AUTS2: variants seen among roughly 807,000 people sequenced by gnomAD.
AUTS2 encodes autism susceptibility gene 2 protein.
AUTS2 carries 17 observed loss-of-function variants against 112.4 expected under a neutral mutation model. The ratio of observed to expected loss-of-function variants is 0.15; its 90% CI spans 0.10 to 0.23. The LOEUF (loss-of-function observed/expected upper bound fraction) is 0.23. AUTS2 is among the 10% of genes least tolerant of loss of function. The probability of loss-of-function intolerance (pLI) is 1.00; values close to 1 mark genes in which losing one functional copy is unlikely to be tolerated. For synonymous variants in AUTS2, 751 were observed against 702.7 expected, an observed-to-expected ratio of 1.07 and a Z score of -1.09; for missense variants, 1,510 against 1,701.6, an observed-to-expected ratio of 0.89 and a Z score of 1.98.
chr7:70,384,251 T>C (rs187432056), intron 4 of AUTS2, among the ~76,000 whole-genome samples: 10 of 152,260 alleles, frequency 6.6e-5, no homozygotes, highest in African/African-American at 1.7e-4. Flanking sequence ...GCCTGAGGGA[T>C]TGAGAACATA....
chr7:70,714,518 C>T (rs1341368965), intron 6 of AUTS2, among the ~76,000 whole-genome samples: 1 of 152,190 alleles, frequency 6.6e-6, no homozygotes, highest in Non-Finnish European at 1.5e-5. Flanking sequence ...GATCTCATCT[C>T]CATGATTGTC....
chr7:70,342,652 A>G (rs1045687489), intron 4 of AUTS2, among the ~76,000 whole-genome samples: 9 of 152,168 alleles, frequency 5.9e-5, no homozygotes, highest in African/African-American at 1.9e-4. Flanking sequence ...AAATAGACCC[A>G]TGTGGCTAAT....
chr7:70,299,579 T>G (rs1182883886), intron 4 of AUTS2, among the ~76,000 whole-genome samples: 1 of 152,142 alleles, frequency 6.6e-6, no homozygotes, highest in Non-Finnish European at 1.5e-5. Flanking sequence ...TTGGTATCAT[T>G]GAAGCCTACG....
At chr7:70,068,423 A>G (rs1000828139) in intron 2 of AUTS2, among the ~76,000 whole-genome samples, 1 of 151,736 alleles carries the variant, frequency 6.6e-6, no homozygotes, top group Non-Finnish European at 1.5e-5. Flanking sequence ...TGACTTCGTG[A>G]TCTGCCCGCC....
intron 6 of AUTS2, among the ~76,000 whole-genome samples, chr7:70,708,201 A>G (rs536210231): frequency 6.6e-6 from 1 of 152,160 alleles, no homozygotes; most frequent in Non-Finnish European, 1.5e-5. Flanking sequence ...TCATTTTCTC[A>G]TTCTCTGTTC....
intron 7 of AUTS2, among the ~76,000 whole-genome samples, chr7:70,763,702 T>A (rs1789722213): frequency 1.3e-5 from 2 of 152,084 alleles, no homozygotes; most frequent in Admixed American, 6.5e-5. Flanking sequence ...TGTGAGCAGA[T>A]CCTTTCAAGA....
intron 1 of AUTS2, among the ~76,000 whole-genome samples, chr7:69,873,552 T>A (rs1793598134): frequency 6.6e-6 from 1 of 152,046 alleles, no homozygotes; most frequent in Admixed American, 6.6e-5. Context: ...TCTAGGCAGA[T>A]GAACACAGCA....
At chr7:69,616,931 T>C (rs954822479) in intron 1 of AUTS2, among the ~76,000 whole-genome samples, 4 of 152,218 alleles carry the variant, frequency 2.6e-5, no homozygotes, top group Admixed American at 1.3e-4. Flanking sequence ...AAAAAAAATT[T>C]ATTGACAGCT....
At chr7:70,293,222 A>C (rs1788787289) in intron 4 of AUTS2, 1 of 152,154 alleles carries the variant, frequency 6.6e-6, no homozygotes, top group Admixed American at 6.5e-5. Flanking sequence ...TGCCTTTGTA[A>C]CCAGTCTTCC....
At chr7:69,686,485 G>C (rs989176655) in intron 1 of AUTS2, among the ~76,000 whole-genome samples, 1 of 152,128 alleles carries the variant, frequency 6.6e-6, no homozygotes, top group African/African-American at 2.4e-5. Context: ...TGGGTTTAGG[G>C]ACCTCAAGAA....
intron 1 of AUTS2, among the ~76,000 whole-genome samples, chr7:69,869,236 C>A (rs1308112249): frequency 1.3e-5 from 2 of 152,032 alleles, no homozygotes; most frequent in Non-Finnish European, 2.9e-5. Context: ...TATTGAGCAC[C>A]TATAATGTGC....
intron 2 of AUTS2, among the ~76,000 whole-genome samples, chr7:69,919,002 A>G (rs2129542632): frequency 6.6e-6 from 1 of 152,304 alleles, no homozygotes. Flanking sequence ...GGGTAGAAAT[A>G]CAGCTGTGGA....
intron 5 of AUTS2, among the ~76,000 whole-genome samples, chr7:70,538,389 G>GT (rs1800409949): frequency 6.6e-6 from 1 of 152,170 alleles, no homozygotes; most frequent in Non-Finnish European, 1.5e-5. Flanking sequence ...TTGGTCGGGT[G>GT]TGGTGGCAGG....
chr7:70,092,117 GATT>G (rs1554308158), intron 2 of AUTS2, among the ~76,000 whole-genome samples: 2 of 151,606 alleles, frequency 1.3e-5, no homozygotes, highest in Admixed American at 6.6e-5. Context: ...ATACTCCTAA[GATT>G]ATATTTAAAA....
intron 5 of AUTS2, among the ~76,000 whole-genome samples, chr7:70,656,967 A>G (rs1009100673): frequency 1.3e-5 from 2 of 152,210 alleles, no homozygotes; most frequent in Admixed American, 1.3e-4. Context: ...CAACCCCAGC[A>G]GTGGTTTTAG....
intron 4 of AUTS2, among the ~76,000 whole-genome samples, chr7:70,305,691 A>G (rs1409570841): frequency 4.6e-5 from 7 of 152,254 alleles, no homozygotes; most frequent in Admixed American, 3.9e-4. Flanking sequence ...AACCAGACCT[A>G]TGCTGATCTC....
chr7:70,571,197 C>T (rs1421209506), intron 5 of AUTS2, among the ~76,000 whole-genome samples: 1 of 152,194 alleles, frequency 6.6e-6, no homozygotes, highest in Non-Finnish European at 1.5e-5. Context: ...GGTATAACCA[C>T]AAACAAACTT....
rs374805902 is a variant in AUTS2 at position 70,790,909 on chromosome 7, G to C, written c.3693G>C (p.Pro1231=). The stretch of plus-strand genomic sequence containing the variant: ...TCATCTCCACGCTGGGGGGCCGCCC[G>C]GTCTCTCCCAGAAGGACGACTCCTC... ...PPLISTLGGR[P]VSPRRTTPLS... The change falls in exon 19 of 19, where the codon CCG becomes CCC. Residue 1231 remains proline (P), a synonymous_variant. Coordinates refer to ENST00000342771, the MANE Select transcript of AUTS2 (RefSeq NM_015570.4). The surrounding 1 kb of genome is among the most constrained non-coding windows in gnomAD (Gnocchi z 7.6). The C allele has an allele frequency of 1.3e-6, 2 of 1,586,094 alleles. No individual in the cohort carries two copies. The highest frequency in any genetic ancestry group is 1.7e-6 in the Non-Finnish European group (2 of 1,166,168).
intron 1 of AUTS2, among the ~76,000 whole-genome samples, chr7:69,788,194 A>G (rs541967754): frequency 6.6e-6 from 1 of 152,156 alleles, no homozygotes; most frequent in South Asian, 2.1e-4. Context: ...CCAGGGCCCT[A>G]TCTGAGTATA....
Sources: allele counts gnomAD v4.1 joint callset (sites outside exome capture counted in the v4.1 genomes callset), GRCh38; gene constraint gnomAD v4.1.1; non-coding constraint Gnocchi (gnomAD v3.1); transcripts MANE v1.5; gene names NCBI Gene and HGNC (gene_info 2026-07-23, HGNC 2026-07-21).